Variants in GSAP observed in about 807,000 individuals in gnomAD.
GSAP encodes gamma-secretase-activating protein.
In GSAP, 118 loss-of-function variants were observed where a neutral mutation model predicts 131.7. The observed-to-expected ratio is 0.90, with a 90% CI of 0.77 to 1.04. The LOEUF is 1.04. GSAP is among the 50% of genes least tolerant of loss of function. The pLI is 0.00. For synonymous variants in GSAP, 381 were observed against 363.4 expected (o/e 1.05, Z -0.55); for missense variants, 1,019 against 1,013.2 (o/e 1.01, Z -0.08).
In GSAP at chr7:77,360,865, A is replaced by C. The variant is rs1468592639; in HGVS notation, c.986T>G (p.Val329Gly). The C allele has an allele frequency of 6.2e-7, 1 of 1,604,064 alleles. No individual in the cohort carries two copies. Among genetic ancestry groups the C allele is most frequent in the Admixed American group, 1.7e-5 (1 of 59,980 alleles). The change falls in exon 14 of 31, where the codon GTT (valine) becomes GGT (glycine). Residue 329 changes from valine to glycine, a missense_variant. Coordinates refer to ENST00000257626, the MANE Select transcript of GSAP (RefSeq NM_017439.4). ...SKTFTTSLEN[V>G]GSHMTKGITF... ...AATGCCCTTTGTCATGTGTGACCCA[A>C]CATTCTCAAGAGAAGTGGTGAAGGT...
chr7:77,349,497 G>T, intron 18 of GSAP, 93 bp from the exon 19 acceptor site: 1 of 994,668 alleles, frequency 1.0e-6, no homozygotes, highest in Non-Finnish European at 1.6e-6. Context: ...ACAGACAGAA[G>T]CTGAGGGCAG....
intron 12 of GSAP, among the ~76,000 whole-genome samples, chr7:77,368,423 A>G (rs1418072033): frequency 6.6e-6 from 1 of 152,150 alleles, no homozygotes; most frequent in African/African-American, 2.4e-5. Flanking sequence ...ACATGTGGCT[A>G]TTGGCTACCA....
intron 12 of GSAP, among the ~76,000 whole-genome samples, chr7:77,366,228 CTTAAGT>C (rs944678554): frequency 3.9e-5 from 6 of 152,212 alleles, no homozygotes; most frequent in South Asian, 2.1e-4. Flanking sequence ...TGCAGAAGCT[CTTAAGT>C]TTAATTCGAT....
chr7:77,402,820 T>C (rs1004365263), intron 3 of GSAP, among the ~76,000 whole-genome samples: 2 of 152,098 alleles, frequency 1.3e-5, no homozygotes, highest in African/African-American at 4.8e-5. Context: ...AAATTTCCTA[T>C]TAATTTATCC....
chr7:77,330,863 A>G (rs1789036044), intron 19 of GSAP: 5 of 981,794 alleles, frequency 5.1e-6, no homozygotes, highest in Non-Finnish European at 6.0e-6. Flanking sequence ...GAATCAAAAA[A>G]AGATAAAATG....
chr7:77,389,984 T>C (rs910859431), intron 5 of GSAP, among the ~76,000 whole-genome samples: 5 of 152,232 alleles, frequency 3.3e-5, no homozygotes, highest in African/African-American at 1.2e-4. Context: ...TTCTAACTGG[T>C]GTGAGATAGT....
chr7:77,377,237 T>TTAAAAAAAAAAAA, intron 9 of GSAP, 49 bp downstream of exon 9: 1 of 891,784 alleles, frequency 1.1e-6, no homozygotes, highest in South Asian at 3.5e-5. Flanking sequence ...AATATTTTTG[T>TTAAAAAAAAAAAA]AAAAAAAAAA....
chr7:77,360,964 A>T, intron 13 of GSAP, 63 bp from the exon 14 acceptor site: 1 of 899,920 alleles, frequency 1.1e-6, no homozygotes. Context: ...CACCCAAGGC[A>T]GTGACTATGT....
At chr7:77,344,589 G>GTTTACACTGCTGGT (rs59700865) in intron 19 of GSAP, among the ~76,000 whole-genome samples, 1 of 152,164 alleles carries the variant, frequency 6.6e-6, no homozygotes, top group African/African-American at 2.4e-5. Context: ...TCCTGCTCTT[G>GTTTACACTGCTGGT]TTACACTGCT....
At position 77,381,317 on chromosome 7, in the gene GSAP, A is replaced by T; in HGVS notation, c.564T>A (p.Asp188Glu). The part of the protein sequence containing the change: ...EQFRIHVAQE[D>E]GNRVVIKNSG... ...TTCAAATCTTTACCACTCTATTTCC[A>T]TCTTCTTGGGCGACATGGATACGAA... Residue 188 changes from aspartate to glutamate, a missense_variant, in exon 8 of 31, where the codon GAT becomes GAA. Transcript: ENST00000257626. The T allele has an allele frequency of 6.4e-7, 1 of 1,560,964 alleles. No individual in the cohort carries two copies. Among genetic ancestry groups the T allele is most frequent in the Non-Finnish European group, 8.7e-7 (1 of 1,148,022 alleles).
In GSAP at chr7:77,330,236, T is replaced by C; in HGVS notation, c.1674+3A>G. 2 of 1,611,300 alleles carry C rather than the reference T, an allele frequency of 1.2e-6. No homozygotes were observed. Among genetic ancestry groups the C allele is most frequent in the Non-Finnish European group, 1.7e-6 (2 of 1,178,576 alleles). On this transcript the variant is annotated splice_donor_region_variant and intron_variant, in intron 20 of 30. Coordinates refer to ENST00000257626, the MANE Select transcript of GSAP (RefSeq NM_017439.4). ...GGCTTTGTTCTCACTGACCCACTCATACCTCTTCAGAGATCAGGTTGTGCC... is the reference window on the plus strand; with the variant it reads ...GGCTTTGTTCTCACTGACCCACTCACACCTCTTCAGAGATCAGGTTGTGCC...
chr7:77,316,726 G>T (rs1039370759), intron 26 of GSAP, among the ~76,000 whole-genome samples: 10 of 152,122 alleles, frequency 6.6e-5, no homozygotes, highest in Non-Finnish European at 1.0e-4. Context: ...TCTATCCCCA[G>T]GGCACAGTCC....
intron 3 of GSAP, among the ~76,000 whole-genome samples, chr7:77,402,433 C>A (rs562596056): frequency 1.2e-3 from 164 of 137,130 alleles, no homozygotes; most frequent in East Asian, 1.8e-3. Flanking sequence ...TACACACACA[C>A]AGAAAAAAAA....
At chr7:77,341,183 C>T (rs1442161944) in intron 19 of GSAP, among the ~76,000 whole-genome samples, 1 of 152,128 alleles carries the variant, frequency 6.6e-6, no homozygotes, top group Non-Finnish European at 1.5e-5. Flanking sequence ...CATTCTTCTA[C>T]ACATTGGTCC....
At chr7:77,406,505 T>C (rs1025715638) in intron 1 of GSAP, among the ~76,000 whole-genome samples, 6 of 152,260 alleles carry the variant, frequency 3.9e-5, no homozygotes, top group African/African-American at 2.4e-5. Flanking sequence ...GGAATTGTTA[T>C]AGCCTCCTGT....
At chr7:77,330,593 T>TG in intron 19 of GSAP, 1 of 1,088,328 alleles carries the variant, frequency 9.2e-7, no homozygotes, top group Non-Finnish European at 1.1e-6. Flanking sequence ...TTTTTTTTTT[T>TG]GTCGTTGTTT....
chr7:77,348,778 A>G (rs112898109), intron 19 of GSAP, among the ~76,000 whole-genome samples: 46 of 152,376 alleles, frequency 3.0e-4, no homozygotes, highest in African/African-American at 1.0e-3. Context: ...GGTTGCAGAA[A>G]GACACTAACA....
In GSAP at chr7:77,331,051, T is replaced by C. The variant is rs148310030; in HGVS notation, c.1546-684A>G. Among the ~76,000 whole-genome samples the C allele has an allele frequency of 3.6e-3, 543 of 152,264 alleles. 3 individuals are homozygous for C. The highest frequency in any genetic ancestry group is 0.012 in the African/African-American group (510 of 41,562). On this transcript the variant is annotated intron_variant, in intron 19 of 30. Coordinates refer to ENST00000257626, the MANE Select transcript of GSAP (RefSeq NM_017439.4). ...AGTGTTGACCAGGTGCAGTGGCTCA[T>C]GCCTGTAATCCCAGCACTTTGGGAG... is the stretch of plus-strand genomic sequence containing the variant.
Position 77,377,327 on chromosome 7 carries a change from A to G in GSAP, c.640T>C (p.Trp214Arg), listed in dbSNP as rs1297779370. 1 of 1,576,646 alleles carries G rather than the reference A, an allele frequency of 6.3e-7. No individual in the cohort carries two copies. Among genetic ancestry groups the G allele is most frequent in the Non-Finnish European group, 8.6e-7 (1 of 1,163,322 alleles). ...RIAEDFVWAQ[W>R]DMSEQRLYYI... ...TATAATCTCTGTTCTGACATATCCCACTGAGCCCAAACGAAATCCTCAGCT... is the reference window on the plus strand; with the variant it reads ...TATAATCTCTGTTCTGACATATCCCGCTGAGCCCAAACGAAATCCTCAGCT... The change falls in exon 9 of 31, where the codon TGG becomes CGG. Residue 214 changes from tryptophan (W) to arginine (R), a missense_variant. Coordinates refer to ENST00000257626, the MANE Select transcript of GSAP (RefSeq NM_017439.4).
Sources: gnomAD v4.1 joint callset for allele counts (sites outside exome capture counted in the v4.1 genomes callset) on GRCh38, gnomAD v4.1.1 for gene constraint, MANE v1.5 for transcripts, NCBI Gene and HGNC (gene_info 2026-07-23, HGNC 2026-07-21) for gene names.